The following POFUT3 variants were observed in gnomAD, a reference collection of about 807,000 sequenced individuals.
POFUT3 encodes the protein GDP-fucose protein O-fucosyltransferase 3.
At chr8:33,314,422 C>T in the POFUT3 span, among the ~76,000 whole-genome samples, 1 of 152,202 alleles carries the variant, frequency 6.6e-6, no homozygotes, top group Admixed American at 6.5e-5. Flanking sequence ...AGACAGTGTA[C>T]TACAGCTGTT....
At chr8:33,452,521 C>G in the POFUT3 span, 1 of 152,028 alleles carries the variant, frequency 6.6e-6, no homozygotes, top group South Asian at 2.1e-4. Context: ...TTCACATTTA[C>G]TAGATATTGC....
chr8:33,318,153 T>C, the POFUT3 span, among the ~76,000 whole-genome samples: 1 of 151,998 alleles, frequency 6.6e-6, no homozygotes, highest in East Asian at 1.9e-4. Context: ...TGTATCTGAG[T>C]CCACATGTAA....
the POFUT3 span, among the ~76,000 whole-genome samples, chr8:33,314,931 C>T: frequency 3.9e-5 from 6 of 152,096 alleles, no homozygotes; most frequent in Admixed American, 2.6e-4. Context: ...GAGTGTATGG[C>T]TTTGGATGCA....
the POFUT3 span, among the ~76,000 whole-genome samples, chr8:33,423,196 C>T: frequency 6.6e-6 from 1 of 152,166 alleles, no homozygotes; most frequent in African/African-American, 2.4e-5. Context: ...CTGGTATTCA[C>T]TTGATTAACA....
the POFUT3 span, among the ~76,000 whole-genome samples, chr8:33,370,169 T>TAAAAAAAAA: frequency 5.0e-5 from 2 of 39,896 alleles, 1 homozygote; most frequent in Non-Finnish European, 1.1e-4. Context: ...CCATCTTTAC[T>TAAAAAAAAA]AAAAAAAAAA....
At chr8:33,409,657 G>T in the POFUT3 span, among the ~76,000 whole-genome samples, 1 of 152,128 alleles carries the variant, frequency 6.6e-6, no homozygotes, top group African/African-American at 2.4e-5. Flanking sequence ...TATAATCCCA[G>T]CACTTTGGGA....
the POFUT3 span, among the ~76,000 whole-genome samples, chr8:33,415,600 C>T: frequency 4.8e-4 from 73 of 152,182 alleles, 1 homozygote; most frequent in African/African-American, 1.4e-3. Flanking sequence ...ATTTATTCTC[C>T]CCATAGTTTT....
chr8:33,435,221 A>AT, the POFUT3 span, among the ~76,000 whole-genome samples: 5 of 130,432 alleles, frequency 3.8e-5, no homozygotes, highest in African/African-American at 1.9e-4. Context: ...TTTTTAATTT[A>AT]ATTTTTTTTT....
chr8:33,330,365 A>T, the POFUT3 span, among the ~76,000 whole-genome samples: 3 of 151,980 alleles, frequency 2.0e-5, no homozygotes, highest in African/African-American at 7.3e-5. Flanking sequence ...AATCACTTGA[A>T]CTCAGGAGGC....
At chr8:33,409,628 G>A in the POFUT3 span, among the ~76,000 whole-genome samples, 10 of 152,258 alleles carry the variant, frequency 6.6e-5, no homozygotes, top group East Asian at 1.2e-3. Context: ...TCATCTGGCC[G>A]GGCGCAGTGA....
the POFUT3 span, among the ~76,000 whole-genome samples, chr8:33,449,786 C>T: frequency 6.6e-6 from 1 of 151,978 alleles, no homozygotes; most frequent in African/African-American, 2.4e-5. Flanking sequence ...TCAGATATTA[C>T]TTGTAATTGT....
At chr8:33,469,717 T>C in the POFUT3 span, among the ~76,000 whole-genome samples, 1 of 150,932 alleles carries the variant, frequency 6.6e-6, no homozygotes, top group South Asian at 2.1e-4. Context: ...ATGTAGAAAC[T>C]AAAAACAAAT....
the POFUT3 span, among the ~76,000 whole-genome samples, chr8:33,448,110 C>T: frequency 1.3e-5 from 2 of 152,086 alleles, no homozygotes; most frequent in African/African-American, 2.4e-5. Context: ...GAGGGCGAGG[C>T]AGAGAGACTG....
the POFUT3 span, among the ~76,000 whole-genome samples, chr8:33,320,022 A>T: frequency 0.022 from 3,351 of 151,574 alleles, 130 homozygotes; most frequent in African/African-American, 0.077. Context: ...TCCTCTGCTT[A>T]TAGCTTTGTG....
At chr8:33,422,008 C>T in the POFUT3 span, among the ~76,000 whole-genome samples, 6 of 147,058 alleles carry the variant, frequency 4.1e-5, no homozygotes, top group Admixed American at 4.1e-4. Flanking sequence ...AAAAAAAAAA[C>T]AACCACACAG....
chr8:33,436,677 G>A, the POFUT3 span: 564 of 810,372 alleles, frequency 7.0e-4, 6 homozygotes, highest in East Asian at 0.012. Flanking sequence ...CCCAGGGCAC[G>A]TTTCCGATGA....
chr8:33,320,303 T>C, the POFUT3 span, among the ~76,000 whole-genome samples: 1 of 152,020 alleles, frequency 6.6e-6, no homozygotes, highest in Admixed American at 6.6e-5. Context: ...AAAGTTATGA[T>C]CAATGATAAT....
the POFUT3 span, among the ~76,000 whole-genome samples, chr8:33,318,753 T>G: frequency 1.5e-5 from 1 of 66,214 alleles, no homozygotes; most frequent in Non-Finnish European, 2.4e-5. Flanking sequence ...ATATAATATA[T>G]AAATATATTG....
the POFUT3 span, among the ~76,000 whole-genome samples, chr8:33,313,629 C>A: frequency 2.0e-5 from 3 of 152,056 alleles, no homozygotes; most frequent in African/African-American, 7.3e-5. Context: ...CTCTGAGCAA[C>A]ACAGAATAAA....
Sources: gnomAD v4.1 joint callset for allele counts (sites outside exome capture counted in the v4.1 genomes callset) on GRCh38, gnomAD v4.1.1 for gene constraint, MANE v1.5 for transcripts, NCBI Gene and HGNC (gene_info 2026-07-23, HGNC 2026-07-21) for gene names.